SKAP1: variants seen among roughly 807,000 people sequenced by gnomAD.
SKAP1 encodes src kinase-associated phosphoprotein 1.
A neutral mutation model predicts 58.5 loss-of-function variants in SKAP1; 44 were observed. The observed-to-expected ratio is 0.75, with a 90% CI of 0.59 to 0.97. The LOEUF (loss-of-function observed/expected upper bound fraction) is 0.97. SKAP1 is among the 50% of genes least tolerant of loss of function. The pLI is 0.00. For synonymous variants in SKAP1, 127 were observed against 149.7 expected (o/e 0.85, Z 1.11); for missense variants, 390 against 435.2 (o/e 0.90, Z 0.92).
chr17:48,195,530 T>C (rs2064615153), intron 4 of SKAP1, among the ~76,000 whole-genome samples: 1 of 152,210 alleles, frequency 6.6e-6, no homozygotes, highest in Non-Finnish European at 1.5e-5. Flanking sequence ...ATCTAAAATT[T>C]CAAAGATATA....
At chr17:48,253,119 C>A (rs2065385092) in intron 4 of SKAP1, among the ~76,000 whole-genome samples, 2 of 152,098 alleles carry the variant, frequency 1.3e-5, no homozygotes, top group Non-Finnish European at 2.9e-5. Flanking sequence ...AGGTTGTGAG[C>A]CATCCTAGCT....
chr17:48,368,294 A>T (rs1302599293), intron 2 of SKAP1, among the ~76,000 whole-genome samples: 4 of 152,208 alleles, frequency 2.6e-5, no homozygotes. Flanking sequence ...ATTCCACAAT[A>T]GAGAATTCTA....
At chr17:48,157,212 G>C in intron 11 of SKAP1, among the ~76,000 whole-genome samples, 1 of 150,964 alleles carries the variant, frequency 6.6e-6, no homozygotes, top group East Asian at 2.0e-4. Flanking sequence ...ACAGGTGATG[G>C]GCACTTGGTT....
rs368417511 is a variant in SKAP1 at position 48,174,233 on chromosome 17, C to T, written c.827-3574G>A. 4.3e-4 allele frequency among the ~76,000 whole-genome samples: 66 copies of T among 152,334 alleles called. 2 individuals are homozygous for T. The South Asian group carries it at 0.014, about 32-fold the overall frequency. On this transcript the variant is annotated intron_variant, in intron 9 of 12. Transcript: ENST00000336915. ...ACGATGATGGATGTAAACGGGGAAG[C>T]TCCAATCCCCACATCTGTTTTATCT...
rs944806676 is a variant in SKAP1, at chr17:48,193,649, G to C, written c.281-4149C>G. The C allele has an allele frequency of 7.2e-6, 7 of 977,578 alleles. No individual in the cohort carries two copies. In the African/African-American group the frequency reaches 8.8e-5, roughly 12 times the overall value. 60.6% of individuals were successfully genotyped at this position (977,578 alleles called of 1,614,324 possible). The stretch of plus-strand genomic sequence containing the variant: ...GTGGGAATCCACAGTGGCATGCAAG[G>C]TACCTCCTCTTTCAGTGTCAGCGCA... On this transcript the variant is annotated intron_variant, in intron 4 of 12. Transcript: ENST00000336915.
chr17:48,434,166 A>G (rs766045546), upstream of SKAP1, among the ~76,000 whole-genome samples: 4 of 152,166 alleles, frequency 2.6e-5, no homozygotes, highest in Non-Finnish European at 4.4e-5. Flanking sequence ...CAACCCCATC[A>G]ACCGGGTTTA....
At chr17:48,323,824 G>T (rs999913786) in intron 4 of SKAP1, among the ~76,000 whole-genome samples, 10 of 152,038 alleles carry the variant, frequency 6.6e-5, no homozygotes, top group African/African-American at 2.2e-4. Flanking sequence ...CCACAGTGTT[G>T]AGGCTGGCTA....
intron 4 of SKAP1, among the ~76,000 whole-genome samples, chr17:48,266,504 TCTTA>T (rs1231079977): frequency 6.6e-6 from 1 of 151,372 alleles, no homozygotes; most frequent in East Asian, 1.9e-4. Context: ...TTTTTTCTTT[TCTTA>T]CTTTCTTTTT....
chr17:48,191,467 C>T (rs1420312487), intron 4 of SKAP1, among the ~76,000 whole-genome samples: 1 of 152,172 alleles, frequency 6.6e-6, no homozygotes, highest in Non-Finnish European at 1.5e-5. Flanking sequence ...TATAGAGTAT[C>T]TTGAGAGTTA....
At chr17:48,330,295 A>G (rs962763220) in intron 4 of SKAP1, among the ~76,000 whole-genome samples, 3 of 152,234 alleles carry the variant, frequency 2.0e-5, no homozygotes, top group African/African-American at 7.2e-5. Flanking sequence ...TTCACAATTC[A>G]TCAGAAAGCC....
At chr17:48,196,849 G>A (rs2064639091) in intron 4 of SKAP1, 1 of 152,236 alleles carries the variant, frequency 6.6e-6, no homozygotes, top group South Asian at 2.1e-4. Context: ...GCAGATCTAT[G>A]TGAAATCCAA....
chr17:48,420,398 T>C (rs1405552863), intron 1 of SKAP1, among the ~76,000 whole-genome samples: 1 of 152,182 alleles, frequency 6.6e-6, no homozygotes, highest in Admixed American at 6.5e-5. Context: ...TGTTTTGCTG[T>C]GTGTCACTAT....
In SKAP1 at chr17:48,363,779, G is replaced by A; in HGVS notation, c.178+10C>T. ...TAGCATAAAACCATACGTGGTCAAA[G>A]AGGACTCACCTTGGGGCTGAAAATC... On this transcript the variant is annotated intron_variant, in intron 3 of 12. Transcript: ENST00000336915. 2 of 1,603,682 alleles carry A rather than the reference G, an allele frequency of 1.2e-6. No homozygotes were observed. The highest frequency in any genetic ancestry group is 1.7e-6 in the Non-Finnish European group (2 of 1,174,326).
chr17:48,304,095 A>C (rs912490334), intron 4 of SKAP1, among the ~76,000 whole-genome samples: 1 of 152,222 alleles, frequency 6.6e-6, no homozygotes, highest in African/African-American at 2.4e-5. Context: ...TTTTAAAAGA[A>C]GGGATGATTT....
chr17:48,281,375 A>C (rs1316149505), intron 4 of SKAP1, among the ~76,000 whole-genome samples: 2 of 152,152 alleles, frequency 1.3e-5, no homozygotes, highest in Non-Finnish European at 2.9e-5. Context: ...ATAAGAAACC[A>C]TGAAGCTCTT....
At chr17:48,275,856 C>T (rs757697208) in intron 4 of SKAP1, among the ~76,000 whole-genome samples, 6 of 152,094 alleles carry the variant, frequency 3.9e-5, no homozygotes, top group Non-Finnish European at 5.9e-5. Context: ...TTTGGTCAAG[C>T]CTAAATCATG....
rs183262631 is a variant in SKAP1, at chr17:48,156,190, G to A, written c.978+6279C>T. Among the ~76,000 whole-genome samples, 53 of 152,346 alleles carry A rather than the reference G, an allele frequency of 3.5e-4. No individual in the cohort carries two copies. In the East Asian group the frequency reaches 9.2e-3, roughly 27 times the overall value. ...CTCCTATTTCATGTTCAGGCAGAGC[G>A]ACCGCCACGCTAAAACCACAGCCTC... On this transcript the variant is annotated intron_variant, in intron 11 of 12. Transcript: ENST00000336915.
At chr17:48,225,417 A>G (rs933693523) in intron 4 of SKAP1, among the ~76,000 whole-genome samples, 2 of 152,182 alleles carry the variant, frequency 1.3e-5, no homozygotes, top group African/African-American at 2.4e-5. Flanking sequence ...CCTCTCTGAA[A>G]TCAAGATGAT....
At chr17:48,179,809 A>G (rs2064343494) in intron 9 of SKAP1, among the ~76,000 whole-genome samples, 1 of 152,250 alleles carries the variant, frequency 6.6e-6, no homozygotes, top group Non-Finnish European at 1.5e-5. Context: ...TGGTGGACAC[A>G]TGTAAAAAGT....
Sources: gnomAD v4.1 joint callset for allele counts (sites outside exome capture counted in the v4.1 genomes callset) on GRCh38, gnomAD v4.1.1 for gene constraint, MANE v1.5 for transcripts, NCBI Gene and HGNC (gene_info 2026-07-23, HGNC 2026-07-21) for gene names.